The following IL34 variants were observed in gnomAD, a reference collection of about 807,000 sequenced individuals.
The protein encoded by IL34 is interleukin 34.
IL34 carries 17 observed loss-of-function variants against 25.3 expected under a neutral mutation model. That is an observed-to-expected ratio of 0.67 (90% confidence interval 0.46 to 1.01). IL34 has a LOEUF of 1.01. Ranked by LOEUF, IL34 falls within the 50% of genes least tolerant of loss-of-function variation. The pLI, the probability that IL34 is intolerant of heterozygous loss-of-function variation, is 0.00. For synonymous variants in IL34, 174 were observed against 140.9 expected, an observed-to-expected ratio of 1.23 and a Z score of -1.66; for missense variants, 368 against 312.9, an observed-to-expected ratio of 1.18 and a Z score of -1.33.
intron 1 of IL34, among the ~76,000 whole-genome samples, chr16:70,633,531 C>G (rs1426798768): frequency 1.3e-5 from 2 of 152,190 alleles, no homozygotes; most frequent in Non-Finnish European, 2.9e-5. Flanking sequence ...TCCCAAAGTG[C>G]TGGGATTCCA....
At chr16:70,642,127 T>G (rs1231694145), upstream of IL34, among the ~76,000 whole-genome samples, 2 of 152,098 alleles carry the variant, frequency 1.3e-5, no homozygotes, top group African/African-American at 4.8e-5. Context: ...AACTTTGAGA[T>G]CAGGGCACCA....
chr16:70,630,448 T>C (rs1215654379), intron 1 of IL34, among the ~76,000 whole-genome samples: 1 of 151,614 alleles, frequency 6.6e-6, no homozygotes, highest in Non-Finnish European at 1.5e-5. Flanking sequence ...GGCAGGCTGG[T>C]CTCGAATTCC....
chr16:70,601,708 C>T (rs1165671748), intron 1 of IL34, among the ~76,000 whole-genome samples: 1 of 152,188 alleles, frequency 6.6e-6, no homozygotes, highest in African/African-American at 2.4e-5. Flanking sequence ...GCCCCAATCC[C>T]TTTTTAATCA....
At chr16:70,621,815 G>A (rs184485399) in intron 1 of IL34, among the ~76,000 whole-genome samples, 16 of 151,938 alleles carry the variant, frequency 1.1e-4, no homozygotes, top group Admixed American at 3.3e-4. Flanking sequence ...AGTGGGGGTC[G>A]CAAGGTGCTC....
chr16:70,629,077 C>A (rs531725051), intron 1 of IL34, among the ~76,000 whole-genome samples: 2 of 152,230 alleles, frequency 1.3e-5, no homozygotes, highest in Non-Finnish European at 2.9e-5. Flanking sequence ...GTACCTGGCC[C>A]CTGGCTATTG....
At chr16:70,657,891 A>T (rs1409097481) in intron 4 of IL34, among the ~76,000 whole-genome samples, 3 of 152,184 alleles carry the variant, frequency 2.0e-5, no homozygotes, top group Non-Finnish European at 4.4e-5. Context: ...CCTAATGTAA[A>T]TTATGGACTT....
At chr16:70,599,942 A>G (rs543377086) in intron 1 of IL34, among the ~76,000 whole-genome samples, 151 of 151,812 alleles carry the variant, frequency 9.9e-4, no homozygotes, top group African/African-American at 3.5e-3. Flanking sequence ...GGCTTCTCAA[A>G]GTGCTGGGAT....
At chr16:70,613,504 G>A (rs1381523576) in intron 1 of IL34, among the ~76,000 whole-genome samples, 2 of 152,170 alleles carry the variant, frequency 1.3e-5, no homozygotes, top group Admixed American at 6.5e-5. Flanking sequence ...AACTGGAGTT[G>A]GCTATTCCGG....
rs1463068675 is a variant in IL34, at chr16:70,657,003, T to C, written c.284T>C (p.Val95Ala). The change falls in exon 4 of 6, where the codon GTC becomes GCC. Residue 95 changes from valine to alanine, a missense_variant. Physicochemically the swap from Val to Ala is moderately conservative, Grantham distance 64. Coordinates refer to ENST00000288098, the MANE Select transcript of IL34 (RefSeq NM_001393494.1). ...VSERELRYLW[V>A]LVSLSATESV... ...GAGCGGGAGCTGCGGTATCTGTGGG[T>C]CTTGGTGAGCCTCAGTGCCACTGAG... 1.9e-6 allele frequency: 3 copies of C among 1,611,938 alleles called. No individual in the cohort carries two copies. The Admixed American group carries it at 5.0e-5, about 27-fold the overall frequency.
At chr16:70,592,779 T>C (rs1002202520) in intron 1 of IL34, among the ~76,000 whole-genome samples, 19 of 152,060 alleles carry the variant, frequency 1.2e-4, no homozygotes, top group Non-Finnish European at 4.4e-5. Flanking sequence ...CTCAGCCTCC[T>C]GAGTAGCTGG....
chr16:70,624,699 G>C (rs1476541963), intron 1 of IL34, among the ~76,000 whole-genome samples: 1 of 152,004 alleles, frequency 6.6e-6, no homozygotes, highest in East Asian at 1.9e-4. Flanking sequence ...TAAATTGCTG[G>C]ACAGGTGGGG....
In IL34 at chr16:70,646,938, G is replaced by A. The variant is rs554160387; in HGVS notation, c.-10G>A. On this transcript the variant is annotated 5_prime_UTR_variant, in exon 1 of 6. Coordinates refer to ENST00000288098, the MANE Select transcript of IL34 (RefSeq NM_001393494.1). ...GCGCCTGAGCTCTCAGGGGGACGAG[G>A]AACACCACCATGCCCCGGGGCTTCA... The A allele has an allele frequency of 2.0e-6, 3 of 1,478,560 alleles. No individual in the cohort carries two copies. Among genetic ancestry groups the A allele is most frequent in the Admixed American group, 2.9e-5 (1 of 35,050 alleles). 91.6% of individuals were successfully genotyped at this position (1,478,560 alleles called of 1,614,324 possible). A position where few individuals can be genotyped will look rare whatever the true frequency, so the allele number is the denominator to read the frequency against.
intron 1 of IL34, among the ~76,000 whole-genome samples, chr16:70,623,303 T>C (rs1195039771): frequency 6.6e-6 from 1 of 151,878 alleles, no homozygotes; most frequent in African/African-American, 2.4e-5. Flanking sequence ...TAATGGATTG[T>C]GGAGGGAGGT....
chr16:70,582,252 G>A (rs1343584798), intron 1 of IL34, among the ~76,000 whole-genome samples: 1 of 152,240 alleles, frequency 6.6e-6, no homozygotes, highest in African/African-American at 2.4e-5. Flanking sequence ...GGACCCCCAA[G>A]CTTTCATCCC....
intron 1 of IL34, among the ~76,000 whole-genome samples, chr16:70,590,676 T>A (rs1232960482): frequency 3.3e-5 from 5 of 152,120 alleles, no homozygotes; most frequent in Non-Finnish European, 7.4e-5. Context: ...CCCTGTGCGG[T>A]AGGGGCTGTC....
intron 1 of IL34, among the ~76,000 whole-genome samples, chr16:70,631,011 G>C (rs1021959440): frequency 1.3e-5 from 2 of 152,162 alleles, no homozygotes; most frequent in Non-Finnish European, 1.5e-5. Context: ...TATATACCTG[G>C]CAGTGAAGTT....
chr16:70,603,148 T>C (rs1400701857), intron 1 of IL34, among the ~76,000 whole-genome samples: 1 of 152,096 alleles, frequency 6.6e-6, no homozygotes, highest in East Asian at 1.9e-4. Flanking sequence ...AAAAAATCAA[T>C]GCAAAAACAA....
intron 1 of IL34, among the ~76,000 whole-genome samples, chr16:70,611,980 G>A (rs1228882097): frequency 6.6e-6 from 1 of 152,224 alleles, no homozygotes; most frequent in Non-Finnish European, 1.5e-5. Context: ...AGTGAGCCAT[G>A]ATTGCACCTC....
At position 70,646,930 on chromosome 16, in the gene IL34, G is replaced by T; in HGVS notation, c.-18G>T. Reference sequence around the variant, plus strand: ...TGGGGACGGCGCCTGAGCTCTCAGGGGGACGAGGAACACCACCATGCCCCG... The same window carrying T: ...TGGGGACGGCGCCTGAGCTCTCAGGTGGACGAGGAACACCACCATGCCCCG... On this transcript the variant is annotated 5_prime_UTR_variant, in exon 1 of 6. Transcript: ENST00000288098. 6.8e-7 allele frequency: 1 copy of T among 1,479,948 alleles called. No homozygotes were observed. Among genetic ancestry groups the T allele is most frequent in the Non-Finnish European group, 8.9e-7 (1 of 1,120,224 alleles). The allele number at this position is 1,479,948 out of a possible 1,614,324, so 91.7% of individuals were successfully genotyped here.
Sources: allele counts gnomAD v4.1 joint callset (sites outside exome capture counted in the v4.1 genomes callset), GRCh38; gene constraint gnomAD v4.1.1; transcripts MANE v1.5; gene names NCBI Gene and HGNC (gene_info 2026-07-23, HGNC 2026-07-21).